The following CASZ1 variants were observed in gnomAD, a reference collection of about 807,000 sequenced individuals.
CASZ1 encodes the protein zinc finger protein castor homolog 1.
A neutral mutation model predicts 135.2 loss-of-function variants in CASZ1; 28 were observed. The ratio of observed to expected loss-of-function variants is 0.21; its 90% confidence interval spans 0.15 to 0.28. The LOEUF (loss-of-function observed/expected upper bound fraction) is 0.28. Ranked by LOEUF, CASZ1 falls within the 10% of genes least tolerant of loss-of-function variation. The probability of loss-of-function intolerance (pLI) is 1.00; values close to 1 mark genes in which losing one functional copy is unlikely to be tolerated. For synonymous variants in CASZ1, 1,068 were observed against 1,073.4 expected, an observed-to-expected ratio of 0.99 and a Z score of 0.10; for missense variants, 2,161 against 2,453.3, an observed-to-expected ratio of 0.88 and a Z score of 2.52.
Position 10,762,342 on chromosome 1 carries a change from C to A in CASZ1, c.-233-1485G>T, listed in dbSNP as rs2100577756. Among the ~76,000 whole-genome samples, 1 of 152,228 alleles carries A rather than the reference C, an allele frequency of 6.6e-6. No individual in the cohort carries two copies. The highest frequency in any genetic ancestry group is 2.4e-5 in the African/African-American group (1 of 41,538). ...GCGGGTTTCCTGGTTTCCATGGATT[C>A]CTGCCAGGCCCCTAATGTGAGTTTC... On this transcript the variant is annotated intron_variant, in intron 1 of 20. Transcript: ENST00000377022. The surrounding 1 kb of genome is among the most constrained non-coding windows in gnomAD (Gnocchi z 4.1).
In CASZ1 at chr1:10,772,316, AG is replaced by A. The variant is rs1435271273; in HGVS notation, c.-233-11460del. ...CAGGCACCCCCAGAGGGCTAGACCC[AG>A]GCCGCCACCATTGGCCACATGCCCC... On this transcript the variant is annotated intron_variant, in intron 1 of 20. Transcript: ENST00000377022. Among the ~76,000 whole-genome samples, 10 of 152,328 alleles carry A rather than the reference AG, an allele frequency of 6.6e-5. No individual in the cohort carries two copies. In the East Asian group the frequency reaches 1.9e-3, roughly 29 times the overall value.
rs1481071822 is a variant in CASZ1 at position 10,755,737 on chromosome 1, C to T, written c.-77+4964G>A. ...GATGAGAAATCAGGAAGATCAATAACTCTTCCCAGACCAACTCCCAGCCAC... is the reference window on the plus strand; with the variant it reads ...GATGAGAAATCAGGAAGATCAATAATTCTTCCCAGACCAACTCCCAGCCAC... On this transcript the variant is annotated intron_variant, in intron 2 of 20. Transcript: ENST00000377022. This position sits in a 1 kb window ranked among gnomAD's most constrained non-coding sequence, Gnocchi z 4.3. Among the ~76,000 whole-genome samples the T allele has an allele frequency of 6.6e-6, 1 of 152,014 alleles. No individual in the cohort carries two copies. The highest frequency in any genetic ancestry group is 1.5e-5 in the Non-Finnish European group (1 of 68,016).
At position 10,701,094 on chromosome 1, in the gene CASZ1, C is replaced by G. The variant is rs1456939228; in HGVS notation, c.-24+4398G>C. ...TGTCCATGGGTGTATACCATTGGTG[C>G]TTACAAATATCTACTTGGGCCCCTG... On this transcript the variant is annotated intron_variant, in intron 3 of 20. Coordinates refer to ENST00000377022, the MANE Select transcript of CASZ1 (RefSeq NM_001079843.3). The surrounding 1 kb of genome is among the most constrained non-coding windows in gnomAD (Gnocchi z 6.3). Among the ~76,000 whole-genome samples, 1 of 152,154 alleles carries G rather than the reference C, an allele frequency of 6.6e-6. No individual in the cohort carries two copies. Among genetic ancestry groups the G allele is most frequent in the Non-Finnish European group, 1.5e-5 (1 of 68,034 alleles).
intron 2 of CASZ1, among the ~76,000 whole-genome samples, chr1:10,710,700 T>C (rs1639268507): frequency 6.6e-6 from 1 of 152,208 alleles, no homozygotes; most frequent in Non-Finnish European, 1.5e-5. Context: ...CAACACCTGC[T>C]CCAGGCTTTC....
chr1:10,772,265 G>A (rs205472), intron 1 of CASZ1, among the ~76,000 whole-genome samples: 98,194 of 152,016 alleles, frequency 0.65, 32,915 homozygotes, highest in Non-Finnish European at 0.74. Flanking sequence ...CATTGCAGCT[G>A]GGAGAAAGAA....
chr1:10,639,248 CCCGGGGGCGGCGGCGTCGGGCGGG>C lies in CASZ1; in HGVS notation c.4950_4973del (p.Pro1652_Pro1659del), dbSNP rs1409288651. ...CGGCGGCGGCGGCGCCCTCGCGCGG[CCCGGGGGCGGCGGCGTCGGGCGGG>C]CCGGGGTCGCCCGCGTCGCCCAGCG... is the stretch of plus-strand genomic sequence containing the variant. On this transcript the variant is annotated inframe_deletion, in exon 21 of 21. Coordinates refer to ENST00000377022, the MANE Select transcript of CASZ1 (RefSeq NM_001079843.3). This position sits in a 1 kb window ranked among gnomAD's most constrained non-coding sequence, Gnocchi z 4.0. 6 of 944,436 alleles carry C rather than the reference CCCGGGGGCGGCGGCGTCGGGCGGG, an allele frequency of 6.4e-6. No individual in the cohort carries two copies. The highest frequency in any genetic ancestry group is 6.3e-6 in the Non-Finnish European group (5 of 793,550). 58.5% of individuals were successfully genotyped at this position (944,436 alleles called of 1,614,324 possible).
chr1:10,781,488 T>C (rs532333327), intron 1 of CASZ1, among the ~76,000 whole-genome samples: 4 of 152,338 alleles, frequency 2.6e-5, no homozygotes, highest in African/African-American at 9.6e-5. Context: ...CACCTGCACG[T>C]CCAACAGCTC....
intron 4 of CASZ1, among the ~76,000 whole-genome samples, chr1:10,671,461 A>G (rs1333882044): frequency 6.6e-6 from 1 of 152,170 alleles, no homozygotes; most frequent in African/African-American, 2.4e-5. Flanking sequence ...GAGGGGAGAC[A>G]GATGTGAGGG....
In CASZ1 at chr1:10,794,220, G is replaced by A. The variant is rs1641019737; in HGVS notation, c.-234+2344C>T. Among the ~76,000 whole-genome samples the A allele has an allele frequency of 6.6e-6, 1 of 152,002 alleles. No homozygotes were observed. Among genetic ancestry groups the A allele is most frequent in the African/African-American group, 2.4e-5 (1 of 41,386 alleles). ...GTGTGCGCGCGCGCGCGCGTCGTGG[G>A]TTGGGCGGGGGGACACCAAGATTAT... On this transcript the variant is annotated intron_variant, in intron 1 of 20. Coordinates refer to ENST00000377022, the MANE Select transcript of CASZ1 (RefSeq NM_001079843.3). This position sits in a 1 kb window ranked among gnomAD's most constrained non-coding sequence, Gnocchi z 5.6.
chr1:10,656,371 T>C (rs1329992277), intron 8 of CASZ1, among the ~76,000 whole-genome samples: 1 of 152,200 alleles, frequency 6.6e-6, no homozygotes, highest in Non-Finnish European at 1.5e-5. Context: ...CTGGCTGGCA[T>C]GGCCCTGGGC....
chr1:10,679,774 C>G lies in CASZ1; in HGVS notation c.16+14100G>C, dbSNP rs896182387. Reference sequence around the variant, plus strand: ...CAACCCCGAGTGTCACCACAGGGTCCGGCCCAACCTGGGCTCCAGCTGATT... The same window carrying G: ...CAACCCCGAGTGTCACCACAGGGTCGGGCCCAACCTGGGCTCCAGCTGATT... On this transcript the variant is annotated intron_variant, in intron 4 of 20. Coordinates refer to ENST00000377022, the MANE Select transcript of CASZ1 (RefSeq NM_001079843.3). The surrounding 1 kb of genome is among the most constrained non-coding windows in gnomAD (Gnocchi z 4.7). Among the ~76,000 whole-genome samples, 1 of 152,224 alleles carries G rather than the reference C, an allele frequency of 6.6e-6. No individual in the cohort carries two copies. Among genetic ancestry groups the G allele is most frequent in the African/African-American group, 2.4e-5 (1 of 41,460 alleles).
intron 5 of CASZ1, among the ~76,000 whole-genome samples, chr1:10,662,086 C>G (rs991041196): frequency 6.6e-6 from 1 of 151,840 alleles, no homozygotes; most frequent in Admixed American, 6.6e-5. Flanking sequence ...CTCACACACA[C>G]CCTACACAGT....
rs558195967 is a variant in CASZ1 at position 10,719,658 on chromosome 1, G to A, written c.-76-14114C>T. On this transcript the variant is annotated intron_variant, in intron 2 of 20. Transcript: ENST00000377022. This position sits in a 1 kb window ranked among gnomAD's most constrained non-coding sequence, Gnocchi z 4.0. ...ATGACTCAATTCAACCAGGGAGCTG[G>A]GCCATGCCCTCAGGTACTGCCCAAT... Among the ~76,000 whole-genome samples, 1 of 152,348 alleles carries A rather than the reference G, an allele frequency of 6.6e-6. No individual in the cohort carries two copies. Among genetic ancestry groups the A allele is most frequent in the South Asian group, 2.1e-4 (1 of 4,830 alleles).
At chr1:10,778,023 TCACACACAATCA>T (rs1359202812) in intron 1 of CASZ1, among the ~76,000 whole-genome samples, 2 of 150,860 alleles carry the variant, frequency 1.3e-5, no homozygotes, top group Admixed American at 6.6e-5. Flanking sequence ...TCATACAATC[TCACACACAATCA>T]CACACAATCA....
rs1323217791 is a variant in CASZ1 at position 10,653,603 on chromosome 1, G to A, written c.2454C>T (p.Pro818=). The change falls in exon 11 of 21, where the codon CCC becomes CCT. Residue 818 remains proline (P), a synonymous_variant. Coordinates refer to ENST00000377022, the MANE Select transcript of CASZ1 (RefSeq NM_001079843.3). The part of the protein sequence containing the change: ...RGSTSLPVGT[P]SLLGAVSSGS... The stretch of plus-strand genomic sequence containing the variant: ...CAGACGACACGGCACCCAGGAGGCT[G>A]GGGGTGCCCACAGGCAGGGAGGTGC... 34 of 1,554,880 alleles carry A rather than the reference G, an allele frequency of 2.2e-5. No individual in the cohort carries two copies. Among genetic ancestry groups the A allele is most frequent in the Non-Finnish European group, 2.9e-5 (33 of 1,149,106 alleles).
At chr1:10,772,900 CTGGGACCTCCGCCTGCCA>C (rs1234583364) in intron 1 of CASZ1, among the ~76,000 whole-genome samples, 1 of 152,170 alleles carries the variant, frequency 6.6e-6, no homozygotes, top group Non-Finnish European at 1.5e-5. Context: ...GAAGCCCAAT[CTGGGACCTCCGCCTGCCA>C]TGACAGCAGG....
chr1:10,708,858 G>A (rs1471299400), intron 2 of CASZ1, among the ~76,000 whole-genome samples: 4 of 151,770 alleles, frequency 2.6e-5, no homozygotes, highest in Non-Finnish European at 5.9e-5. Flanking sequence ...GCCTGCAGGC[G>A]GCTCGGAGTG....
intron 2 of CASZ1, among the ~76,000 whole-genome samples, chr1:10,708,569 C>T (rs1218449271): frequency 2.6e-5 from 4 of 152,266 alleles, no homozygotes; most frequent in South Asian, 2.1e-4. Context: ...AGGTGAGGCC[C>T]GGCACTCCCT....
chr1:10,669,268 T>C (rs1643331474), intron 4 of CASZ1, among the ~76,000 whole-genome samples: 1 of 152,122 alleles, frequency 6.6e-6, no homozygotes. Flanking sequence ...CCATCCCCAT[T>C]AGGGCCCCTA....
Sources: gnomAD v4.1 joint callset for allele counts (sites outside exome capture counted in the v4.1 genomes callset) on GRCh38, gnomAD v4.1.1 for gene constraint, Gnocchi (gnomAD v3.1) non-coding constraint, MANE v1.5 for transcripts, NCBI Gene and HGNC (gene_info 2026-07-23, HGNC 2026-07-21) for gene names.